The following ZC3H13 variants were observed in gnomAD, a reference collection of about 807,000 sequenced individuals.
ZC3H13 encodes the protein zinc finger CCCH domain-containing protein 13.
Under a neutral mutation model 204.1 loss-of-function variants are expected in ZC3H13, and 64 were observed. That is an observed-to-expected ratio of 0.31 (90% CI 0.26 to 0.39). The LOEUF is 0.39. Among genes scored for constraint, ZC3H13 ranks in the 10% least tolerant of loss-of-function variants. ZC3H13 has a pLI of 1.00. For synonymous variants in ZC3H13, 667 were observed against 693.7 expected, an observed-to-expected ratio of 0.96 and a Z score of 0.60; for missense variants, 1,833 against 2,082.7, an observed-to-expected ratio of 0.88 and a Z score of 2.33.
rs2044550499 is a variant in ZC3H13, at chr13:46,052,498, G to A, written c.-104C>T. On this transcript the variant is annotated 5_prime_UTR_variant, in exon 1 of 19. Coordinates refer to ENST00000679008, the MANE Select transcript of ZC3H13 (RefSeq NM_001330564.2). ...GGAGGCGACTCTGTCCCCGCGCCTG[G>A]ACCCAGGAGGACGACGACGAGGAGA... The A allele has an allele frequency of 2.5e-6, 1 of 398,404 alleles. No individual in the cohort carries two copies. The highest frequency in any genetic ancestry group is 2.1e-5 in the African/African-American group (1 of 48,602). The allele number at this position is 398,404 out of a possible 1,614,324, so 24.7% of individuals were successfully genotyped here.
intron 3 of ZC3H13, 67 bp downstream of exon 3, chr13:46,044,888 T>C: frequency 8.5e-7 from 1 of 1,173,460 alleles, no homozygotes; most frequent in Non-Finnish European, 1.2e-6. Context: ...TTTCAGATTT[T>C]TATACTAGAT....
chr13:45,989,451 C>T (rs1478115113), intron 8 of ZC3H13, among the ~76,000 whole-genome samples: 1 of 152,166 alleles, frequency 6.6e-6, no homozygotes, highest in Non-Finnish European at 1.5e-5. Context: ...AGAAAACCCA[C>T]AAACTATGGC....
intron 17 of ZC3H13, chr13:45,963,492 G>A: frequency 9.6e-7 from 1 of 1,043,138 alleles, no homozygotes; most frequent in Non-Finnish European, 1.2e-6. Context: ...CTCAATCATG[G>A]CTCACTGCAG....
At chr13:46,049,446 C>G (rs2044247959) in intron 1 of ZC3H13, among the ~76,000 whole-genome samples, 1 of 152,088 alleles carries the variant, frequency 6.6e-6, no homozygotes, top group Non-Finnish European at 1.5e-5. Context: ...GTAAAAACTT[C>G]CACAAGTAGT....
chr13:46,008,621 A>G (rs2041324980), intron 7 of ZC3H13, among the ~76,000 whole-genome samples: 1 of 152,176 alleles, frequency 6.6e-6, no homozygotes, highest in African/African-American at 2.4e-5. Flanking sequence ...AGTTTCAAAT[A>G]TTCTATAAAC....
chr13:46,003,703 A>T (rs2040918107), intron 7 of ZC3H13, among the ~76,000 whole-genome samples: 1 of 152,178 alleles, frequency 6.6e-6, no homozygotes, highest in Non-Finnish European at 1.5e-5. Flanking sequence ...TCTACTACTC[A>T]AAGAGAACTA....
intron 1 of ZC3H13, among the ~76,000 whole-genome samples, chr13:46,051,405 T>C (rs1013876030): frequency 6.6e-6 from 1 of 152,208 alleles, no homozygotes; most frequent in African/African-American, 2.4e-5. Flanking sequence ...TGCTAGTCTC[T>C]AGTTGAAACT....
At chr13:45,980,388 G>A (rs1316006806) in intron 10 of ZC3H13, among the ~76,000 whole-genome samples, 1 of 152,130 alleles carries the variant, frequency 6.6e-6, no homozygotes, top group Non-Finnish European at 1.5e-5. Context: ...ACAGTTTACA[G>A]TGAAAACATT....
chr13:45,983,413 A>ATATATATATATATATATATATATATATAT (rs1555277663), intron 10 of ZC3H13, among the ~76,000 whole-genome samples: 1 of 31,128 alleles, frequency 3.2e-5, no homozygotes, highest in Non-Finnish European at 4.9e-5. Context: ...ATATATATAT[A>ATATATATATATATATATATATATATATAT]TTTTTTTTTT....
chr13:46,011,377 A>C lies in ZC3H13; in HGVS notation c.588+38T>G. The C allele has an allele frequency of 1.9e-6, 3 of 1,557,602 alleles. No homozygotes were observed. The East Asian group carries it at 6.8e-5, about 35-fold the overall frequency. On this transcript the variant is annotated intron_variant, in intron 6 of 18. Coordinates refer to ENST00000679008, the MANE Select transcript of ZC3H13 (RefSeq NM_001330564.2). ...TTATCTGATCAATACAAATGCTGCT[A>C]TTAAGTACTAACATATTTATTGCAA...
At position 46,031,599 on chromosome 13, in the gene ZC3H13, A is replaced by C. The variant is rs571573548; in HGVS notation, c.339+10565T>G. On this transcript the variant is annotated intron_variant, in intron 4 of 18. Transcript: ENST00000679008. ...TCTTAAAATTGAATAATAAGAAAAC[A>C]ACCTGTTTTTAAAAATAGGCAAAAG... Among the ~76,000 whole-genome samples the C allele has an allele frequency of 7.9e-5, 12 of 152,322 alleles. No individual in the cohort carries two copies. The East Asian group carries it at 2.3e-3, about 29-fold the overall frequency.
At chr13:46,004,734 T>G (rs188179612) in intron 7 of ZC3H13, among the ~76,000 whole-genome samples, 2 of 152,268 alleles carry the variant, frequency 1.3e-5, no homozygotes, top group East Asian at 1.9e-4. Flanking sequence ...TCAGTATATA[T>G]TCATCATAAA....
rs150233236 is a variant in ZC3H13, at chr13:46,013,182, G to A, written c.449-1628C>T. 5.5e-4 allele frequency among the ~76,000 whole-genome samples: 83 copies of A among 152,240 alleles called. No homozygotes were observed. The East Asian group carries it at 0.015, about 28-fold the overall frequency. Reference sequence around the variant, plus strand: ...TGTAAGCTCAGCACTTTGGGAGGCCGAGGAGGGCGGATCATCAGGTCAAGA... The same window carrying A: ...TGTAAGCTCAGCACTTTGGGAGGCCAAGGAGGGCGGATCATCAGGTCAAGA... On this transcript the variant is annotated intron_variant, in intron 5 of 18. Transcript: ENST00000679008.
chr13:45,992,663 C>T (rs2040047124), intron 8 of ZC3H13, among the ~76,000 whole-genome samples: 2 of 152,138 alleles, frequency 1.3e-5, no homozygotes, highest in Admixed American at 6.6e-5. Context: ...AGATATCTGG[C>T]TAAACATTAT....
At chr13:46,010,737 A>C (rs1364640859) in intron 6 of ZC3H13, among the ~76,000 whole-genome samples, 2 of 136,826 alleles carry the variant, frequency 1.5e-5, no homozygotes, top group African/African-American at 2.9e-5. Flanking sequence ...TCTCTTATAC[A>C]AAAAAAAAAA....
intron 12 of ZC3H13, among the ~76,000 whole-genome samples, chr13:45,973,446 A>G (rs1412329437): frequency 2.0e-5 from 3 of 152,210 alleles, no homozygotes; most frequent in Non-Finnish European, 4.4e-5. Flanking sequence ...AAAACCAGAA[A>G]AACTTTTGCT....
In ZC3H13 at chr13:46,010,450, G is replaced by T; in HGVS notation, c.644C>A (p.Ser215Tyr). Reference sequence around the variant, plus strand: ...TGATTTTCGCTTCGGAGATTTGCTAGACTTTCTTAGAGAAGGTGACGGGGA... The same window carrying T: ...TGATTTTCGCTTCGGAGATTTGCTATACTTTCTTAGAGAAGGTGACGGGGA... ...KLSPSPSLRK[S>Y]SKSPKRKSSP... The change falls in exon 7 of 19, where the codon TCT becomes TAT. Residue 215 changes from serine to tyrosine, a missense_variant. Physicochemically the swap from Ser to Tyr is moderately radical, Grantham distance 144. Around this residue, in one of 5 missense-constraint regions of ZC3H13, gnomAD observed 1,574 missense variants for 1,757.2 expected, o/e 0.90. Coordinates refer to ENST00000679008, the MANE Select transcript of ZC3H13 (RefSeq NM_001330564.2). 1 of 1,613,778 alleles carries T rather than the reference G, an allele frequency of 6.2e-7. No individual in the cohort carries two copies. The highest frequency in any genetic ancestry group is 8.5e-7 in the Non-Finnish European group (1 of 1,179,768).
chr13:46,041,591 G>GA (rs989232220), intron 4 of ZC3H13, among the ~76,000 whole-genome samples: 4 of 152,020 alleles, frequency 2.6e-5, no homozygotes, highest in Non-Finnish European at 5.9e-5. Context: ...TAAATTTCTA[G>GA]AAAAAAATTA....
intron 4 of ZC3H13, among the ~76,000 whole-genome samples, chr13:46,032,359 G>GA (rs2042952002): frequency 2.1e-5 from 1 of 46,924 alleles, no homozygotes; most frequent in African/African-American, 7.3e-5. Context: ...AGAAGAAAAA[G>GA]ACCAAAAAAA....
Sources: allele counts gnomAD v4.1 joint callset (sites outside exome capture counted in the v4.1 genomes callset), GRCh38; gene constraint gnomAD v4.1.1; regional missense constraint gnomAD v4.1.1; transcripts MANE v1.5; gene names NCBI Gene and HGNC (gene_info 2026-07-23, HGNC 2026-07-21).